Variants in FRMD4B observed in about 807,000 individuals in gnomAD.
FRMD4B encodes FERM domain containing 4B, also known as FERM domain-containing protein 4B.
Under a neutral mutation model 141.5 loss-of-function variants are expected in FRMD4B, and 74 were observed. That is an observed-to-expected ratio of 0.52 (90% CI 0.43 to 0.63). The LOEUF is 0.63. Among genes scored for constraint, FRMD4B ranks in the 30% least tolerant of loss-of-function variants. FRMD4B has a pLI of 0.00. For synonymous variants in FRMD4B, 506 were observed against 467.9 expected, an observed-to-expected ratio of 1.08 and a Z score of -1.05; for missense variants, 1,366 against 1,253.4, an observed-to-expected ratio of 1.09 and a Z score of -1.36.
intron 17 of FRMD4B, among the ~76,000 whole-genome samples, chr3:69,190,286 GA>G (rs1324515218): frequency 6.6e-6 from 1 of 151,900 alleles, no homozygotes; most frequent in Non-Finnish European, 1.5e-5. Flanking sequence ...AAACTGGAAA[GA>G]AAAAATCATG....
At chr3:69,375,128 C>A (rs1239623528) in intron 1 of FRMD4B, among the ~76,000 whole-genome samples, 1 of 150,716 alleles carries the variant, frequency 6.6e-6, no homozygotes, top group African/African-American at 2.4e-5. Flanking sequence ...ATCCAACATC[C>A]ATCCATCTAA....
chr3:69,195,299 C>G lies in FRMD4B; in HGVS notation c.1300G>C (p.Glu434Gln). Residue 434 changes from glutamate (E) to glutamine (Q), a missense_variant, in exon 15 of 23, where the codon GAG becomes CAG. Transcript: ENST00000398540. ...REKILELKKK[E>Q]KLLQEKLLKK... ...AGAAGTTTTTCTTGTAATAGTTTCT[C>G]CTTCTTCTTTAGTTCAAGGATTTTT... is the stretch of plus-strand genomic sequence containing the variant. 6.2e-7 allele frequency: 1 copy of G among 1,613,240 alleles called. No individual in the cohort carries two copies. The highest frequency in any genetic ancestry group is 8.5e-7 in the Non-Finnish European group (1 of 1,179,420).
intron 1 of FRMD4B, among the ~76,000 whole-genome samples, chr3:69,486,148 C>T (rs1333190660): frequency 6.6e-6 from 1 of 152,144 alleles, no homozygotes; most frequent in Non-Finnish European, 1.5e-5. Context: ...CCCAAGTTGG[C>T]TGGAAGTCTG....
At chr3:69,175,881 C>T (rs1013103505) in intron 22 of FRMD4B, among the ~76,000 whole-genome samples, 26 of 149,872 alleles carry the variant, frequency 1.7e-4, no homozygotes, top group African/African-American at 4.2e-4. Context: ...CTGGGGTTCA[C>T]GCCATTCTCC....
intron 7 of FRMD4B, among the ~76,000 whole-genome samples, chr3:69,225,642 C>T (rs1019077036): frequency 1.7e-4 from 20 of 120,258 alleles, no homozygotes; most frequent in African/African-American, 6.4e-4. Flanking sequence ...TTGCAGTGAG[C>T]CGAGATCACG....
intron 1 of FRMD4B, among the ~76,000 whole-genome samples, chr3:69,346,096 C>T (rs1027141842): frequency 1.3e-5 from 2 of 151,974 alleles, no homozygotes; most frequent in Admixed American, 1.3e-4. Context: ...AAAGATTAGA[C>T]AAATGGCTAA....
chr3:69,416,047 T>C (rs759953484), intron 2 of FRMD4B, among the ~76,000 whole-genome samples: 8 of 152,202 alleles, frequency 5.3e-5, no homozygotes, highest in African/African-American at 9.6e-5. Flanking sequence ...AAGTTTTATA[T>C]AGGGGAACCA....
intron 1 of FRMD4B, among the ~76,000 whole-genome samples, chr3:69,538,408 G>A (rs1163614929): frequency 1.3e-5 from 2 of 152,168 alleles, no homozygotes; most frequent in Non-Finnish European, 2.9e-5. Context: ...CATGCATCCT[G>A]TGGCAGTACT....
chr3:69,305,745 C>A (rs994981968), intron 3 of FRMD4B, among the ~76,000 whole-genome samples: 1 of 152,100 alleles, frequency 6.6e-6, no homozygotes, highest in African/African-American at 2.4e-5. Context: ...CAGAGAGAGA[C>A]CCTGTCTCTG....
At chr3:69,265,831 A>G (rs1359146591) in intron 5 of FRMD4B, among the ~76,000 whole-genome samples, 1 of 152,102 alleles carries the variant, frequency 6.6e-6, no homozygotes, top group African/African-American at 2.4e-5. Context: ...CACTAAAAGG[A>G]AAAATGGTTG....
chr3:69,188,944 G>A (rs539146436), intron 18 of FRMD4B, among the ~76,000 whole-genome samples: 43 of 151,478 alleles, frequency 2.8e-4, no homozygotes, highest in Non-Finnish European at 3.2e-4. Context: ...TTGAACGGCT[G>A]GGCTCGGTGG....
intron 3 of FRMD4B, among the ~76,000 whole-genome samples, chr3:69,308,615 T>C (rs1406071384): frequency 6.6e-6 from 1 of 152,008 alleles, no homozygotes; most frequent in Non-Finnish European, 1.5e-5. Context: ...TGTTTTTGCA[T>C]TTTTAGTAGA....
intron 1 of FRMD4B, chr3:69,536,653 A>G: frequency 1.0e-6 from 1 of 982,184 alleles, no homozygotes; most frequent in Admixed American, 1.9e-5. Context: ...GTGGAAGTCG[A>G]GGAGAGTGAG....
At chr3:69,287,900 A>G in intron 4 of FRMD4B, 64 bp from the exon 5 acceptor site, 1 of 730,042 alleles carries the variant, frequency 1.4e-6, no homozygotes, top group Non-Finnish European at 2.3e-6. Context: ...TTCCTCATTC[A>G]GTGTTCCCCA....
chr3:69,250,504 T>C (rs1422069889), intron 5 of FRMD4B, among the ~76,000 whole-genome samples: 1 of 152,124 alleles, frequency 6.6e-6, no homozygotes, highest in Non-Finnish European at 1.5e-5. Context: ...TGGGATAATT[T>C]TTTTCCCCTG....
At chr3:69,540,640 T>G (rs60572220) in intron 1 of FRMD4B, among the ~76,000 whole-genome samples, 1 of 61,466 alleles carries the variant, frequency 1.6e-5, no homozygotes, top group African/African-American at 9.9e-5. Flanking sequence ...AAAAAAAATA[T>G]ATATATATAT....
chr3:69,233,379 A>G (rs2093323904), intron 7 of FRMD4B, among the ~76,000 whole-genome samples: 1 of 151,708 alleles, frequency 6.6e-6, no homozygotes, highest in African/African-American at 2.4e-5. Flanking sequence ...AGGTACTTGG[A>G]AGGATGAGTT....
At chr3:69,321,399 T>C (rs1016324660) in intron 1 of FRMD4B, among the ~76,000 whole-genome samples, 2 of 152,194 alleles carry the variant, frequency 1.3e-5, no homozygotes, top group African/African-American at 4.8e-5. Context: ...TTTGACCTTT[T>C]CGAAAGCCTA....
rs35818040 is a variant in FRMD4B at position 69,292,815 on chromosome 3, C to CTTTTT, written c.417-4984_417-4980dup. ...GATTCATAAAGACCTTTTTTTCAGC[C>CTTTTT]TTTTTTTTTTTTTTTTTGCAAAAGG... On this transcript the variant is annotated intron_variant, in intron 4 of 22. Transcript: ENST00000398540. Among the ~76,000 whole-genome samples the CTTTTT allele has an allele frequency of 3.2e-4, 39 of 120,922 alleles. 2 individuals carry two copies. The highest frequency in any genetic ancestry group is 1.3e-3 in the East Asian group (5 of 3,976). The allele number at this position is 120,922 out of a possible 152,430, so 79.3% of individuals were successfully genotyped here. A position where few individuals can be genotyped will look rare whatever the true frequency, so the allele number is the denominator to read the frequency against.
Sources: gnomAD v4.1 joint callset for allele counts (sites outside exome capture counted in the v4.1 genomes callset) on GRCh38, gnomAD v4.1.1 for gene constraint, MANE v1.5 for transcripts, NCBI Gene and HGNC (gene_info 2026-07-23, HGNC 2026-07-21) for gene names.